The following CLCN2 variants were observed in gnomAD, a reference collection of about 807,000 sequenced individuals.
CLCN2 encodes chloride voltage-gated channel 2.
Under a neutral mutation model 108.3 loss-of-function variants are expected in CLCN2, and 72 were observed. That is an observed-to-expected ratio of 0.66 (90% CI 0.55 to 0.81). The LOEUF (loss-of-function observed/expected upper bound fraction) is 0.81, where lower values mean the gene tolerates loss of function less well. Among genes scored for constraint, CLCN2 ranks in the 30% least tolerant of loss-of-function variants. The pLI, the probability that CLCN2 is intolerant of heterozygous loss-of-function variation, is 0.00. For synonymous variants in CLCN2, 471 were observed against 467.1 expected, an observed-to-expected ratio of 1.01 and a Z score of -0.11; for missense variants, 1,048 against 1,205.2, an observed-to-expected ratio of 0.87 and a Z score of 1.93.
chr3:184,352,254 C>T, intron 21 of CLCN2, 39 bp downstream of exon 21: 1 of 1,613,256 alleles, frequency 6.2e-7, no homozygotes, highest in Non-Finnish European at 8.5e-7. Context: ...TTGAACACAA[C>T]CAGGAAGAAA....
intron 22 of CLCN2, among the ~76,000 whole-genome samples, chr3:184,350,337 ACCT>A (rs1281328365): frequency 1.3e-5 from 2 of 151,878 alleles, no homozygotes; most frequent in African/African-American, 4.8e-5. Context: ...CAGGCACGTG[ACCT>A]CCTCGCTGCA....
chr3:184,354,569 G>GCA lies in CLCN2; in HGVS notation c.1484_1485dup (p.Pro496CysfsTer17). 6.2e-7 allele frequency: 1 copy of GCA among 1,613,210 alleles called. No individual in the cohort carries two copies. Among genetic ancestry groups the GCA allele is most frequent in the Non-Finnish European group, 8.5e-7 (1 of 1,179,926 alleles). ...TCACCGACCACAGCGTAGCCCCCAGGCACAATCCGGTAGGTGCTGCTGTCC... is the reference window on the plus strand; with the variant it reads ...TCACCGACCACAGCGTAGCCCCCAGGCACACAATCCGGTAGGTGCTGCTGTCC... On this transcript the variant is annotated frameshift_variant, in exon 14 of 24. Transcript: ENST00000265593. LOFTEE classifies it high-confidence loss of function.
rs1428244755 is a variant in CLCN2, at chr3:184,352,072, T to C, written c.2356A>G (p.Ser786Gly). 1 of 1,613,804 alleles carries C rather than the reference T, an allele frequency of 6.2e-7. No individual in the cohort carries two copies. The highest frequency in any genetic ancestry group is 8.5e-7 in the Non-Finnish European group (1 of 1,179,952). ...GGAGCAGGATCAATTTTGCAGTCAC[T>C]GAAGTTGACAGGTTCATCTAGTTGC... ...EQQLDEPVNF[S>G]DCKIDPAPFQ... The change falls in exon 22 of 24, where the codon AGT (serine) becomes GGT (glycine). Residue 786 changes from serine (S) to glycine (G), a missense_variant. Coordinates refer to ENST00000265593, the MANE Select transcript of CLCN2 (RefSeq NM_004366.6).
At position 184,358,268 on chromosome 3, in the gene CLCN2, A is replaced by G. The variant is rs534349434; in HGVS notation, c.395T>C (p.Leu132Pro). The change falls in exon 4 of 24, where the codon CTC (leucine) becomes CCC (proline). Residue 132 changes from leucine (L) to proline (P), a missense_variant. Leu to Pro is a moderately conservative substitution (Grantham distance 98). Coordinates refer to ENST00000265593, the MANE Select transcript of CLCN2 (RefSeq NM_004366.6). ...MSRGLNTSIL[L>P]QYLAWVTYPV... is the part of the protein sequence containing the mutation. ...GTAGGTGACCCAGGCCAGGTACTGG[A>G]GCAAGATGCTGGTGTTCAAGCCCCG... 3 of 1,614,158 alleles carry G rather than the reference A, an allele frequency of 1.9e-6. No homozygotes were observed. The highest frequency in any genetic ancestry group is 2.5e-6 in the Non-Finnish European group (3 of 1,180,028).
Position 184,346,853 on chromosome 3 carries a change from G to A in CLCN2, c.2503-53C>T, listed in dbSNP as rs772364684. 87 of 1,611,554 alleles carry A rather than the reference G, an allele frequency of 5.4e-5. No homozygotes were observed. The highest frequency in any genetic ancestry group is 7.7e-5 in the South Asian group (7 of 91,044). ...GGACCCAGATGTCAGACTCCTCCCC[G>A]CCTTCCTCCCCAGGTGAGCTGGACA... On this transcript the variant is annotated intron_variant, in intron 23 of 23. Transcript: ENST00000265593. The surrounding 1 kb of genome is among the most constrained non-coding windows in gnomAD (Gnocchi z 6.0).
At chr3:184,354,757 G>C (rs1254737842) in intron 13 of CLCN2, 99 bp from the exon 14 acceptor site, 1 of 1,299,072 alleles carries the variant, frequency 7.7e-7, no homozygotes, top group Non-Finnish European at 1.1e-6. Context: ...GGGCCAACGG[G>C]TCATTCAGTG....
Position 184,355,277 on chromosome 3 carries a change from G to T in CLCN2, c.1326+97C>A. On this transcript the variant is annotated intron_variant, in intron 12 of 23. Transcript: ENST00000265593. This position sits in a 1 kb window ranked among gnomAD's most constrained non-coding sequence, Gnocchi z 6.3. ...GGGGTGATAATAGTGCCTTTCCCAT[G>T]GCACTGTGGAGAGGCTTCGAGGAGT... The T allele has an allele frequency of 7.4e-7, 1 of 1,355,926 alleles. No homozygotes were observed. Among genetic ancestry groups the T allele is most frequent in the Non-Finnish European group, 1.1e-6 (1 of 947,430 alleles). 84.0% of individuals were successfully genotyped at this position (1,355,926 alleles called of 1,614,324 possible).
Position 184,354,588 on chromosome 3 carries a change from G to A in CLCN2, c.1467C>T (p.Ser489=). 6.2e-7 allele frequency: 1 copy of A among 1,613,228 alleles called. No individual in the cohort carries two copies. The highest frequency in any genetic ancestry group is 8.5e-7 in the Non-Finnish European group (1 of 1,179,938). ...AWFPDGIHTD[S]STYRIVPGGY... is the part of the protein sequence containing the mutation. ...CCCCAGGCACAATCCGGTAGGTGCT[G>A]CTGTCCGTATGAATTCCATCTGGGA... Residue 489 remains serine (S), a synonymous_variant, in exon 14 of 24, where the codon AGC becomes AGT. Transcript: ENST00000265593.
In CLCN2 at chr3:184,358,682, C is replaced by A; in HGVS notation, c.352G>T (p.Ala118Ser). Residue 118 changes from alanine to serine, a missense_variant and splice_region_variant, in exon 3 of 24, where the codon GCC becomes TCC. Coordinates refer to ENST00000265593, the MANE Select transcript of CLCN2 (RefSeq NM_004366.6). ...MDYAIAACLQ[A>S]QQWMSRGLNT... Reference sequence around the variant, plus strand: ...TCCCCCTGCCAGCTGTCACCCTCACCTTGCAGACAGGCAGCAATGGCATAG... The same window carrying A: ...TCCCCCTGCCAGCTGTCACCCTCACATTGCAGACAGGCAGCAATGGCATAG... The A allele has an allele frequency of 6.4e-7, 1 of 1,573,166 alleles. No individual in the cohort carries two copies. Among genetic ancestry groups the A allele is most frequent in the East Asian group, 2.3e-5 (1 of 42,806 alleles).
rs780348130 is a variant in CLCN2, at chr3:184,353,724, C to T, written c.1793G>A (p.Arg598Gln). 1.5e-5 allele frequency: 24 copies of T among 1,609,120 alleles called. No individual in the cohort carries two copies. The highest frequency in any genetic ancestry group is 8.4e-5 in the Admixed American group (5 of 59,338). The part of the protein sequence containing the change: ...VPHVALSCTF[R>Q]DLRLALHRTK... The stretch of plus-strand genomic sequence containing the variant: ...CCTGTGCAGTGCCAAACGCAGGTCC[C>T]GGAAGGTGCAGCTGAGGGCCACATG... Residue 598 changes from arginine to glutamine, a missense_variant, in exon 16 of 24, where the codon CGG becomes CAG. Transcript: ENST00000265593.
Position 184,346,495 on chromosome 3 carries a change from G to A in CLCN2, c.*111C>T, listed in dbSNP as rs1727674150. 3.1e-6 allele frequency: 4 copies of A among 1,300,954 alleles called. No individual in the cohort carries two copies. The highest frequency in any genetic ancestry group is 2.9e-5 in the African/African-American group (2 of 69,136). 80.6% of individuals were successfully genotyped at this position (1,300,954 alleles called of 1,614,324 possible). A position where few individuals can be genotyped will look rare whatever the true frequency, so the allele number is the denominator to read the frequency against. On this transcript the variant is annotated 3_prime_UTR_variant, in exon 24 of 24. Transcript: ENST00000265593. The surrounding 1 kb of genome is among the most constrained non-coding windows in gnomAD (Gnocchi z 6.0). ...CCCCAGGTCTGGAGGGGGCTGGGGTGCAGCCTCCAGCTGTAGCTGCCTCCT... is the reference window on the plus strand; with the variant it reads ...CCCCAGGTCTGGAGGGGGCTGGGGTACAGCCTCCAGCTGTAGCTGCCTCCT...
Position 184,358,865 on chromosome 3 carries a change from C to T in CLCN2, c.221-52G>A, listed in dbSNP as rs765612224. 2.5e-6 allele frequency: 4 copies of T among 1,613,404 alleles called. 1 individual carries two copies. In the African/African-American group the frequency reaches 5.3e-5, roughly 22 times the overall value. Reference sequence around the variant, plus strand: ...GAGGATGGCACCAAAGTGCTCCTACCCCTTTTACTGCCCCCTCAACTGTCC... The same window carrying T: ...GAGGATGGCACCAAAGTGCTCCTACTCCTTTTACTGCCCCCTCAACTGTCC... On this transcript the variant is annotated intron_variant, in intron 2 of 23. Transcript: ENST00000265593.
At chr3:184,351,923 A>T in intron 22 of CLCN2, 90 bp downstream of exon 22, 1 of 936,736 alleles carries the variant, frequency 1.1e-6, no homozygotes, top group Non-Finnish European at 1.8e-6. Flanking sequence ...CTCCTTCCCC[A>T]CTGGCCTGAG....
Position 184,355,736 on chromosome 3 carries a change from C to A in CLCN2, c.1128G>T (p.Thr376=). ...GTCCAAAGCCAGGGGGGAAGGTCAG[C>A]GTGGAGATGAGCAGGGTCACCAGAG... ...FPALVTLLIS[T]LTFPPGFGQF... Residue 376 remains threonine, a synonymous_variant, in exon 11 of 24, where the codon ACG becomes ACT. Coordinates refer to ENST00000265593, the MANE Select transcript of CLCN2 (RefSeq NM_004366.6). The surrounding 1 kb of genome is among the most constrained non-coding windows in gnomAD (Gnocchi z 6.3). The A allele has an allele frequency of 6.2e-7, 1 of 1,614,138 alleles. No homozygotes were observed. Among genetic ancestry groups the A allele is most frequent in the Non-Finnish European group, 8.5e-7 (1 of 1,180,012 alleles).
chr3:184,354,827 G>T, intron 13 of CLCN2, 77 bp downstream of exon 13: 4 of 1,522,860 alleles, frequency 2.6e-6, no homozygotes, highest in Non-Finnish European at 3.6e-6. Flanking sequence ...ACCCGCTCTT[G>T]GGCAGAGGGT....
rs780808313 is a variant in CLCN2 at position 184,352,034 on chromosome 3, C to T, written c.2394G>A (p.Val798=). 2.5e-6 allele frequency: 4 copies of T among 1,613,676 alleles called. No homozygotes were observed. The highest frequency in any genetic ancestry group is 1.1e-5 in the South Asian group (1 of 91,074). The change falls in exon 22 of 24, where the codon GTG becomes GTA. Residue 798 remains valine, a synonymous_variant. Transcript: ENST00000265593. The part of the protein sequence containing the change: ...CKIDPAPFQL[V]ERTSLHKTHT... ...CTACCTTGTGCAAAGAGGTCCGCTC[C>T]ACCAGCTGGAAGGGAGCAGGATCAA...
intron 22 of CLCN2, 118 bp downstream of exon 22, chr3:184,351,895 C>T (rs1728125641): frequency 8.7e-6 from 7 of 803,252 alleles, no homozygotes; most frequent in South Asian, 5.4e-5. Flanking sequence ...CCGCACTGAG[C>T]CAACTCCCTT....
Position 184,353,742 on chromosome 3 carries a change from G to A in CLCN2, c.1775C>T (p.Ala592Val). ...DIMVRDVPHV[A>V]LSCTFRDLRL... is the part of the protein sequence containing the mutation. ...CAGGTCCCGGAAGGTGCAGCTGAGGGCCACATGGGGAACATCCCGCACCAT... is the reference window on the plus strand; with the variant it reads ...CAGGTCCCGGAAGGTGCAGCTGAGGACCACATGGGGAACATCCCGCACCAT... The change falls in exon 16 of 24, where the codon GCC becomes GTC. Residue 592 changes from alanine (A) to valine (V), a missense_variant. Physicochemically the swap from Ala to Val is moderately conservative, Grantham distance 64. Transcript: ENST00000265593. The A allele has an allele frequency of 6.2e-7, 1 of 1,607,764 alleles. No homozygotes were observed.
Position 184,354,554 on chromosome 3 carries a change from C to A in CLCN2, c.1501G>T (p.Val501Leu), listed in dbSNP as rs1228186673. 1 of 1,612,906 alleles carries A rather than the reference C, an allele frequency of 6.2e-7. No individual in the cohort carries two copies. Among genetic ancestry groups the A allele is most frequent in the South Asian group, 1.1e-5 (1 of 91,072 alleles). Residue 501 changes from valine to leucine, a missense_variant, in exon 14 of 24, where the codon GTG becomes TTG. Transcript: ENST00000265593. ...TYRIVPGGYA[V>L]VGAAALAGAV... ...TGGGACCTGAGGCACTCACCGACCA[C>A]AGCGTAGCCCCCAGGCACAATCCGG... is the stretch of plus-strand genomic sequence containing the variant.
Sources: allele counts gnomAD v4.1 joint callset (sites outside exome capture counted in the v4.1 genomes callset), GRCh38; gene constraint gnomAD v4.1.1; non-coding constraint Gnocchi (gnomAD v3.1); transcripts MANE v1.5; gene names NCBI Gene and HGNC (gene_info 2026-07-23, HGNC 2026-07-21).